The following B3GALT1 variants were observed in gnomAD, a reference collection of about 807,000 sequenced individuals.
B3GALT1 encodes the protein beta-1,3-galactosyltransferase 1, also known as UDP-Gal:betaGlcNAc beta 1,3-galactosyltransferase, polypeptide 1.
B3GALT1 carries 10 observed loss-of-function variants against 23.2 expected under a neutral mutation model. The ratio of observed to expected loss-of-function variants is 0.43; its 90% confidence interval spans 0.27 to 0.73. The LOEUF is 0.73. Ranked by LOEUF, B3GALT1 falls within the 30% of genes least tolerant of loss-of-function variation. The pLI, the probability that B3GALT1 is intolerant of heterozygous loss-of-function variation, is 0.21. For synonymous variants in B3GALT1, 156 were observed against 141.5 expected, an observed-to-expected ratio of 1.10 and a Z score of -0.73; for missense variants, 299 against 405.4, an observed-to-expected ratio of 0.74 and a Z score of 2.25.
chr2:167,597,176 C>T (rs563021643), intron 2 of B3GALT1, among the ~76,000 whole-genome samples: 3 of 148,100 alleles, frequency 2.0e-5, no homozygotes, highest in Admixed American at 6.8e-5. Flanking sequence ...AGTGCAGTGG[C>T]GGAATCTCAG....
intron 1 of B3GALT1, among the ~76,000 whole-genome samples, chr2:167,464,672 T>G (rs1424372068): frequency 6.6e-6 from 1 of 152,174 alleles, no homozygotes; most frequent in African/African-American, 2.4e-5. Flanking sequence ...TGAAGTTACC[T>G]AAAGTTTCCT....
At chr2:167,509,881 T>C (rs931983669) in intron 2 of B3GALT1, among the ~76,000 whole-genome samples, 1 of 152,158 alleles carries the variant, frequency 6.6e-6, no homozygotes, top group Non-Finnish European at 1.5e-5. Context: ...TTAAAGGATT[T>C]ATTACTCTGG....
At chr2:167,329,576 CTAT>C (rs1388944111) in intron 1 of B3GALT1, among the ~76,000 whole-genome samples, 3 of 152,086 alleles carry the variant, frequency 2.0e-5, no homozygotes, top group Non-Finnish European at 4.4e-5. Flanking sequence ...AAGTTCCCCA[CTAT>C]TATTGTACTG....
At chr2:167,362,817 C>T (rs1697518368) in intron 1 of B3GALT1, among the ~76,000 whole-genome samples, 1 of 152,118 alleles carries the variant, frequency 6.6e-6, no homozygotes, top group Non-Finnish European at 1.5e-5. Flanking sequence ...TGGTTCTTGC[C>T]TGTAAAGAAG....
At chr2:167,600,374 G>A (rs181272083) in intron 2 of B3GALT1, among the ~76,000 whole-genome samples, 4 of 152,230 alleles carry the variant, frequency 2.6e-5, no homozygotes. Context: ...ATTTTATTGA[G>A]ATATAATTCT....
At chr2:167,430,022 C>T (rs1022092259) in intron 1 of B3GALT1, among the ~76,000 whole-genome samples, 3 of 152,090 alleles carry the variant, frequency 2.0e-5, no homozygotes, top group Non-Finnish European at 4.4e-5. Context: ...AGATAACAGA[C>T]AAAATATTTA....
chr2:167,415,729 T>A (rs1698459019), intron 1 of B3GALT1, among the ~76,000 whole-genome samples: 1 of 152,184 alleles, frequency 6.6e-6, no homozygotes, highest in African/African-American at 2.4e-5. Flanking sequence ...TCTGATGAGA[T>A]TTCAGATAGA....
chr2:167,676,514 T>TAC (rs1491142127), intron 3 of B3GALT1, among the ~76,000 whole-genome samples: 6 of 93,294 alleles, frequency 6.4e-5, no homozygotes, highest in South Asian at 4.4e-4. Flanking sequence ...CGTGTATGTT[T>TAC]ATACACACAC....
At chr2:167,603,355 G>A (rs912571747) in intron 2 of B3GALT1, among the ~76,000 whole-genome samples, 3 of 152,146 alleles carry the variant, frequency 2.0e-5, no homozygotes, top group African/African-American at 7.2e-5. Context: ...GTCTTAGATT[G>A]TCTCTTATTG....
At chr2:167,316,839 G>A (rs1229257780) in intron 1 of B3GALT1, among the ~76,000 whole-genome samples, 1 of 152,044 alleles carries the variant, frequency 6.6e-6, no homozygotes, top group Admixed American at 6.6e-5. Flanking sequence ...ACTTGCACTC[G>A]AGTCCTTGTC....
chr2:167,662,359 A>G (rs1686075155), intron 3 of B3GALT1, among the ~76,000 whole-genome samples: 1 of 152,088 alleles, frequency 6.6e-6, no homozygotes, highest in Non-Finnish European at 1.5e-5. Flanking sequence ...TTAGTTTCAC[A>G]GCAAAATTGA....
At chr2:167,851,332 TA>T (rs1689882624) in intron 4 of B3GALT1, among the ~76,000 whole-genome samples, 1 of 152,010 alleles carries the variant, frequency 6.6e-6, no homozygotes, top group Non-Finnish European at 1.5e-5. Flanking sequence ...AGAACTCGTT[TA>T]AAAAGCAAAA....
chr2:167,700,523 G>C (rs1686862233), intron 3 of B3GALT1, among the ~76,000 whole-genome samples: 1 of 152,136 alleles, frequency 6.6e-6, no homozygotes, highest in South Asian at 2.1e-4. Context: ...GAGATTTCAA[G>C]TCTAATTCTC....
chr2:167,415,098 T>C (rs1698447827), intron 1 of B3GALT1, among the ~76,000 whole-genome samples: 1 of 152,192 alleles, frequency 6.6e-6, no homozygotes, highest in Admixed American at 6.5e-5. Context: ...TGTGCTATGA[T>C]TTGAATGTTT....
chr2:167,436,079 CT>C (rs1391911651), intron 1 of B3GALT1, among the ~76,000 whole-genome samples: 1 of 152,206 alleles, frequency 6.6e-6, no homozygotes, highest in African/African-American at 2.4e-5. Flanking sequence ...ATATGACCCC[CT>C]GTGACCCTCG....
intron 3 of B3GALT1, among the ~76,000 whole-genome samples, chr2:167,782,250 G>A (rs1181067619): frequency 1.3e-5 from 2 of 152,206 alleles, no homozygotes; most frequent in African/African-American, 4.8e-5. Context: ...GCAGGTGAAT[G>A]AAAGTGGCCT....
At chr2:167,740,011 ATC>A (rs1687555243) in intron 3 of B3GALT1, among the ~76,000 whole-genome samples, 2 of 151,244 alleles carry the variant, frequency 1.3e-5, no homozygotes, top group African/African-American at 4.9e-5. Context: ...AGGTGGGATG[ATC>A]ACTTGAGCCC....
At chr2:167,826,798 A>G (rs1689238889) in intron 4 of B3GALT1, among the ~76,000 whole-genome samples, 1 of 152,244 alleles carries the variant, frequency 6.6e-6, no homozygotes, top group Non-Finnish European at 1.5e-5. Context: ...AATACAGCAT[A>G]ACAACTATTT....
chr2:167,851,581 G>A (rs927649651), intron 4 of B3GALT1, among the ~76,000 whole-genome samples: 11 of 152,126 alleles, frequency 7.2e-5, no homozygotes, highest in Admixed American at 2.0e-4. Context: ...TGTTTAACTC[G>A]TTTCTACCCA....
Sources: gnomAD v4.1 joint callset for allele counts (sites outside exome capture counted in the v4.1 genomes callset) on GRCh38, gnomAD v4.1.1 for gene constraint, MANE v1.5 for transcripts, NCBI Gene and HGNC (gene_info 2026-07-23, HGNC 2026-07-21) for gene names.